Variants in VAV2 observed in about 807,000 individuals in gnomAD.
VAV2 encodes vav guanine nucleotide exchange factor 2.
A neutral mutation model predicts 132.5 loss-of-function variants in VAV2; 67 were observed. The observed-to-expected ratio is 0.51, with a 90% CI of 0.42 to 0.62. VAV2 has a LOEUF of 0.62. VAV2 is among the 20% of genes least tolerant of loss of function. The pLI is 0.00. For missense variants in VAV2, 938 were observed against 1,153.6 expected (o/e 0.81, Z 2.71); for synonymous variants, 492 against 443.5 (o/e 1.11, Z -1.37).
chr9:133,858,749 G>A lies in VAV2; in HGVS notation c.380+2625C>T, dbSNP rs567263804. On this transcript the variant is annotated intron_variant, in intron 3 of 29. Coordinates refer to ENST00000371850, the MANE Select transcript of VAV2 (RefSeq NM_001134398.2). ...AAGGGAGGCTCGGGGAGACATCTCC[G>A]GCATGAGGTCCACAGCTAAGCAGGA... Among the ~76,000 whole-genome samples the A allele has an allele frequency of 1.4e-4, 22 of 152,262 alleles. 1 individual carries two copies. In the South Asian group the frequency reaches 2.5e-3, roughly 17 times the overall value.
Position 133,906,511 on chromosome 9 carries a change from A to C in VAV2, c.321+32592T>G, listed in dbSNP as rs989886241. The stretch of plus-strand genomic sequence containing the variant: ...AGAGCCAGCCAGGACCCCCAGCTTC[A>C]ATCCTGCAAGGACGTGGGAGCCACT... On this transcript the variant is annotated intron_variant, in intron 2 of 29. Transcript: ENST00000371850. Among the ~76,000 whole-genome samples the C allele has an allele frequency of 3.3e-5, 5 of 152,202 alleles. No individual in the cohort carries two copies. The East Asian group carries it at 9.6e-4, about 29-fold the overall frequency.
At chr9:133,971,447 C>T (rs1251471805) in intron 1 of VAV2, among the ~76,000 whole-genome samples, 4 of 152,184 alleles carry the variant, frequency 2.6e-5, no homozygotes, top group African/African-American at 9.6e-5. Flanking sequence ...GCCAGGCCCA[C>T]GGCCCACACA....
intron 4 of VAV2, among the ~76,000 whole-genome samples, chr9:133,817,550 G>A (rs1835608708): frequency 6.6e-6 from 1 of 152,168 alleles, no homozygotes; most frequent in Non-Finnish European, 1.5e-5. Context: ...GGAGCTTGCA[G>A]TGAGCTGAGA....
intron 6 of VAV2, 86 bp from the exon 7 acceptor site, chr9:133,809,224 TC>T: frequency 8.4e-7 from 1 of 1,188,806 alleles, no homozygotes; most frequent in Non-Finnish European, 1.2e-6. Flanking sequence ...CCCGGACACC[TC>T]CACAAAAGAG....
intron 29 of VAV2, among the ~76,000 whole-genome samples, chr9:133,767,876 C>T (rs1833487927): frequency 6.6e-6 from 1 of 152,154 alleles, no homozygotes; most frequent in African/African-American, 2.4e-5. Flanking sequence ...AGCTAGAGGT[C>T]CAGATGGGGT....
At chr9:133,891,911 T>G (rs1588324633) in intron 2 of VAV2, among the ~76,000 whole-genome samples, 6 of 88,358 alleles carry the variant, frequency 6.8e-5, no homozygotes, top group Admixed American at 1.2e-4. Flanking sequence ...ATAGAGGGCG[T>G]GGAGTGAGAA....
At chr9:133,877,788 A>G (rs1199622674) in intron 2 of VAV2, among the ~76,000 whole-genome samples, 2 of 152,188 alleles carry the variant, frequency 1.3e-5, no homozygotes, top group African/African-American at 4.8e-5. Flanking sequence ...ATTAATGGCC[A>G]TTTTAATGGG....
At chr9:133,775,164 G>A (rs1370304097) in intron 24 of VAV2, 113 bp from the exon 25 acceptor site, 3 of 833,636 alleles carry the variant, frequency 3.6e-6, no homozygotes, top group Non-Finnish European at 5.6e-6. Context: ...CCTCATCTGA[G>A]AGCTCATCTC....
intron 2 of VAV2, among the ~76,000 whole-genome samples, chr9:133,895,244 A>G (rs1439266264): frequency 2.0e-5 from 3 of 151,932 alleles, no homozygotes; most frequent in African/African-American, 7.3e-5. Context: ...AGGTGACCGC[A>G]GGAGAATTAA....
intron 2 of VAV2, among the ~76,000 whole-genome samples, chr9:133,871,435 T>TGGA (rs1332651087): frequency 0.027 from 3,991 of 147,282 alleles, 102 homozygotes; most frequent in African/African-American, 0.061. Flanking sequence ...GATGGATGGA[T>TGGA]TGATTGATGG....
chr9:133,914,330 C>T (rs1839982533), intron 2 of VAV2, among the ~76,000 whole-genome samples: 2 of 152,048 alleles, frequency 1.3e-5, no homozygotes, highest in South Asian at 4.1e-4. Context: ...ATGTCCCCAG[C>T]AGTGATCTTC....
chr9:133,925,196 A>G (rs900931069), intron 2 of VAV2, among the ~76,000 whole-genome samples: 3 of 152,178 alleles, frequency 2.0e-5, no homozygotes, highest in Non-Finnish European at 2.9e-5. Flanking sequence ...GGTAACTCTT[A>G]TGTTATTTTA....
intron 2 of VAV2, among the ~76,000 whole-genome samples, chr9:133,889,391 A>G (rs903657598): frequency 2.1e-4 from 32 of 152,056 alleles, no homozygotes; most frequent in Admixed American, 4.6e-4. Flanking sequence ...CCCTCCTAAG[A>G]GCCTAGGAGT....
intron 16 of VAV2, 163 bp from the exon 17 acceptor site, chr9:133,786,048 T>TGCACATGTCCACGTGTA: frequency 1.4e-6 from 1 of 704,334 alleles, no homozygotes; most frequent in Non-Finnish European, 2.5e-6. Flanking sequence ...GTGTACCTGC[T>TGCACATGTCCACGTGTA]CTCTTGCCCA....
intron 6 of VAV2, among the ~76,000 whole-genome samples, 186 bp from the exon 7 acceptor site, chr9:133,809,324 T>C (rs1025169196): frequency 1.3e-5 from 2 of 152,150 alleles, no homozygotes; most frequent in African/African-American, 4.8e-5. Flanking sequence ...CCCATTCATT[T>C]TGCAGATGAA....
At chr9:133,821,676 T>TG (rs2131733543) in intron 4 of VAV2, among the ~76,000 whole-genome samples, 1 of 152,312 alleles carries the variant, frequency 6.6e-6, no homozygotes, top group East Asian at 1.9e-4. Context: ...ACTAAAAAGT[T>TG]GGATGGGGGT....
intron 4 of VAV2, among the ~76,000 whole-genome samples, chr9:133,813,994 A>G (rs1835459418): frequency 6.6e-6 from 1 of 152,102 alleles, no homozygotes; most frequent in Admixed American, 6.5e-5. Context: ...CTCGCTCACT[A>G]TCCTCTCCTC....
chr9:133,805,948 G>A lies in VAV2; in HGVS notation c.836+133C>T. The A allele has an allele frequency of 6.3e-6, 6 of 947,968 alleles. No individual in the cohort carries two copies. The South Asian group carries it at 1.0e-4, about 16-fold the overall frequency. 58.7% of individuals were successfully genotyped at this position (947,968 alleles called of 1,614,324 possible). A position where few individuals can be genotyped will look rare whatever the true frequency, so the allele number is the denominator to read the frequency against. On this transcript the variant is annotated intron_variant, in intron 9 of 29. Coordinates refer to ENST00000371850, the MANE Select transcript of VAV2 (RefSeq NM_001134398.2). ...GGTGGGTGGCATCCTCAACAAGGGA[G>A]GACGGGGTCCAGAGGGGGCGGCCCC... is the stretch of plus-strand genomic sequence containing the variant.
At chr9:133,829,554 G>A (rs564272926) in intron 4 of VAV2, among the ~76,000 whole-genome samples, 218 of 152,344 alleles carry the variant, frequency 1.4e-3, no homozygotes, top group African/African-American at 4.9e-3. Context: ...ACCACAAAAC[G>A]TAGGCTGCCC....
Sources: gnomAD v4.1 joint callset for allele counts (sites outside exome capture counted in the v4.1 genomes callset) on GRCh38, gnomAD v4.1.1 for gene constraint, MANE v1.5 for transcripts, NCBI Gene and HGNC (gene_info 2026-07-23, HGNC 2026-07-21) for gene names.